GRAMD1B: variants seen among roughly 807,000 people sequenced by gnomAD.
GRAMD1B encodes GRAM domain containing 1B, also known as protein Aster-B.
GRAMD1B carries 37 observed loss-of-function variants against 99.7 expected under a neutral mutation model. The ratio of observed to expected loss-of-function variants is 0.37; its 90% CI spans 0.29 to 0.49. The LOEUF is 0.49. Ranked by LOEUF, GRAMD1B falls within the 20% of genes least tolerant of loss-of-function variation. The pLI, the probability that GRAMD1B is intolerant of heterozygous loss-of-function variation, is 0.98. For missense variants in GRAMD1B, 888 were observed against 1,009.2 expected (o/e 0.88, Z 1.63); for synonymous variants, 427 against 387.6 (o/e 1.10, Z -1.19).
At chr11:123,567,929 A>G (rs760505056) in intron 2 of GRAMD1B, among the ~76,000 whole-genome samples, 2 of 152,200 alleles carry the variant, frequency 1.3e-5, no homozygotes, top group Admixed American at 6.5e-5. Context: ...TAATTAGTCA[A>G]TTAATAAATT....
chr11:123,392,941 G>A (rs530383197), intron 1 of GRAMD1B, among the ~76,000 whole-genome samples: 84 of 152,152 alleles, frequency 5.5e-4, no homozygotes, highest in Non-Finnish European at 9.6e-4. Context: ...GTTTCACTTC[G>A]CCTTTGGTTT....
chr11:123,379,840 C>T (rs34967728), intron 1 of GRAMD1B, among the ~76,000 whole-genome samples: 3,344 of 152,284 alleles, frequency 0.022, 65 homozygotes, highest in Non-Finnish European at 0.031. Context: ...TCCATCTCCT[C>T]GTCAGCACTT....
chr11:123,580,863 CGCGCTG>C (rs900695044), intron 3 of GRAMD1B, among the ~76,000 whole-genome samples: 1 of 151,756 alleles, frequency 6.6e-6, no homozygotes, highest in African/African-American at 2.4e-5. Flanking sequence ...GTGCGGGCAT[CGCGCTG>C]GCGCTGTGGC....
chr11:123,600,550 T>G lies in GRAMD1B; in HGVS notation c.1050+2T>G. On this transcript the variant is annotated splice_donor_variant, in intron 8 of 19. Coordinates refer to ENST00000635736, the MANE Select transcript of GRAMD1B (RefSeq NM_001387025.1). LOFTEE classifies it high-confidence loss of function. Reference sequence around the variant, plus strand: ...TGGCAGAATGCTCTCCTTGAAAAGGTAAGTACGGCCGAGTTTGCTTTTACT... The same window carrying G: ...TGGCAGAATGCTCTCCTTGAAAAGGGAAGTACGGCCGAGTTTGCTTTTACT... The G allele has an allele frequency of 6.2e-7, 1 of 1,603,594 alleles. No homozygotes were observed. The highest frequency in any genetic ancestry group is 8.5e-7 in the Non-Finnish European group (1 of 1,170,704).
At chr11:123,484,482 C>T (rs1951778011) in intron 2 of GRAMD1B, among the ~76,000 whole-genome samples, 1 of 152,198 alleles carries the variant, frequency 6.6e-6, no homozygotes, top group Non-Finnish European at 1.5e-5. Context: ...ATCTAAACCT[C>T]TGCCCAGAAA....
At chr11:123,577,232 C>T (rs752209376) in intron 2 of GRAMD1B, 135 bp from the exon 3 acceptor site, 4 of 744,430 alleles carry the variant, frequency 5.4e-6, no homozygotes, top group Non-Finnish European at 9.1e-6. Flanking sequence ...CCCTCTCTCC[C>T]GGTTTCTCCC....
chr11:123,473,663 G>T (rs1003376052), intron 1 of GRAMD1B, among the ~76,000 whole-genome samples: 5 of 152,030 alleles, frequency 3.3e-5, no homozygotes, highest in African/African-American at 1.2e-4. Context: ...CTTTGACCAG[G>T]GATTCTACCC....
At chr11:123,410,001 T>C (rs562338035) in intron 1 of GRAMD1B, among the ~76,000 whole-genome samples, 1 of 152,182 alleles carries the variant, frequency 6.6e-6, no homozygotes, top group East Asian at 1.9e-4. Flanking sequence ...CAAGATCAGA[T>C]TTTGGAAATG....
At position 123,600,596 on chromosome 11, in the gene GRAMD1B, A is replaced by G. The variant is rs1241454004; in HGVS notation, c.1050+48A>G. ...TTACTGTGGGACTGGCTATCTCTAGAGAAGCCTTTGTCTCCTCAGGGTTCT... is the reference window on the plus strand; with the variant it reads ...TTACTGTGGGACTGGCTATCTCTAGGGAAGCCTTTGTCTCCTCAGGGTTCT... On this transcript the variant is annotated intron_variant, in intron 8 of 19. Coordinates refer to ENST00000635736, the MANE Select transcript of GRAMD1B (RefSeq NM_001387025.1). 6 of 1,220,566 alleles carry G rather than the reference A, an allele frequency of 4.9e-6. No individual in the cohort carries two copies. The East Asian group carries it at 9.3e-5, about 19-fold the overall frequency. The allele number at this position is 1,220,566 out of a possible 1,614,324, so 75.6% of individuals were successfully genotyped here. A position where few individuals can be genotyped will look rare whatever the true frequency, so the allele number is the denominator to read the frequency against.
In GRAMD1B at chr11:123,492,891, C is replaced by CAT. The variant is rs1938743292; in HGVS notation, c.452+11999_452+12000insTA. Among the ~76,000 whole-genome samples the CAT allele has an allele frequency of 6.6e-6, 1 of 151,848 alleles. No homozygotes were observed. The highest frequency in any genetic ancestry group is 1.5e-5 in the Non-Finnish European group (1 of 67,984). On this transcript the variant is annotated intron_variant, in intron 2 of 19. Coordinates refer to ENST00000635736, the MANE Select transcript of GRAMD1B (RefSeq NM_001387025.1). This position sits in a 1 kb window ranked among gnomAD's most constrained non-coding sequence, Gnocchi z 4.2. ...ACACACACACACACACACACACACACACACGCATAGGCATAGATGCCTGTG... is the reference window on the plus strand; with the variant it reads ...ACACACACACACACACACACACACACATACACGCATAGGCATAGATGCCTGTG...
intron 1 of GRAMD1B, among the ~76,000 whole-genome samples, chr11:123,420,740 T>C (rs555094667): frequency 2.0e-5 from 3 of 152,300 alleles, no homozygotes; most frequent in Non-Finnish European, 4.4e-5. Flanking sequence ...AAGAGAGCAA[T>C]AGTGAAGTGG....
rs369497364 is a variant in GRAMD1B at position 123,539,448 on chromosome 11, TA to T, written c.453-37914del. ...GAGACCCCATGTCCAAAAATAAAAA[TA>T]AAAATTAGCCAGACATGGTGGTATG... is the stretch of plus-strand genomic sequence containing the variant. On this transcript the variant is annotated intron_variant, in intron 2 of 19. Coordinates refer to ENST00000635736, the MANE Select transcript of GRAMD1B (RefSeq NM_001387025.1). 6.2e-3 allele frequency among the ~76,000 whole-genome samples: 936 copies of T among 150,522 alleles called. 13 individuals are homozygous for T. The highest frequency in any genetic ancestry group is 0.022 in the African/African-American group (899 of 40,728).
intron 2 of GRAMD1B, among the ~76,000 whole-genome samples, chr11:123,537,568 T>C (rs555344882): frequency 4.8e-4 from 73 of 152,338 alleles, no homozygotes; most frequent in Non-Finnish European, 8.1e-4. Context: ...ATGTACCTTT[T>C]TATGCGTTTA....
chr11:123,619,523 A>G (rs543851410), intron 19 of GRAMD1B: 14 of 1,202,096 alleles, frequency 1.2e-5, no homozygotes, highest in Non-Finnish European at 1.4e-5. Flanking sequence ...ACCCATAACC[A>G]TCTGACAGGC....
intron 8 of GRAMD1B, 97 bp from the exon 9 acceptor site, chr11:123,603,329 T>A: frequency 1.4e-6 from 1 of 736,260 alleles, no homozygotes. Context: ...GAGGAGTTTC[T>A]CCTCTTCTCC....
chr11:123,390,066 T>C (rs79627710), intron 1 of GRAMD1B, among the ~76,000 whole-genome samples: 3,986 of 149,752 alleles, frequency 0.027, 192 homozygotes, highest in African/African-American at 0.096. Flanking sequence ...CACAGCTTTT[T>C]TGTAAATTTT....
At chr11:123,594,228 C>G in intron 5 of GRAMD1B, 62 bp downstream of exon 5, 1 of 1,151,772 alleles carries the variant, frequency 8.7e-7, no homozygotes, top group Non-Finnish European at 1.3e-6. Flanking sequence ...GCATAGCACT[C>G]AGGGTGCTTC....
chr11:123,605,887 T>C (rs1035281811), intron 10 of GRAMD1B, among the ~76,000 whole-genome samples: 2 of 152,178 alleles, frequency 1.3e-5, no homozygotes, highest in Non-Finnish European at 2.9e-5. Flanking sequence ...ATTTGTTGAG[T>C]ATACGTATTG....
chr11:123,518,458 A>G (rs1201218209), intron 2 of GRAMD1B, among the ~76,000 whole-genome samples: 5 of 152,126 alleles, frequency 3.3e-5, no homozygotes, highest in Admixed American at 6.5e-5. Flanking sequence ...TGGGTGTTGC[A>G]CTGAATTCAG....
Sources: gnomAD v4.1 joint callset for allele counts (sites outside exome capture counted in the v4.1 genomes callset) on GRCh38, gnomAD v4.1.1 for gene constraint, Gnocchi (gnomAD v3.1) non-coding constraint, MANE v1.5 for transcripts, NCBI Gene and HGNC (gene_info 2026-07-23, HGNC 2026-07-21) for gene names.